The following NUP58 variants were observed in gnomAD, a reference collection of about 807,000 sequenced individuals.
NUP58 encodes the protein nucleoporin 58, also known as nucleoporin p58/p45.
Under a neutral mutation model 70.1 loss-of-function variants are expected in NUP58, and 17 were observed. The observed-to-expected ratio is 0.24, with a 90% CI of 0.17 to 0.36. The LOEUF is 0.36. Among genes scored for constraint, NUP58 ranks in the 10% least tolerant of loss-of-function variants. The pLI is 1.00. For missense variants in NUP58, 644 were observed against 701.5 expected, an observed-to-expected ratio of 0.92 and a Z score of 0.93; for synonymous variants, 275 against 257.6, an observed-to-expected ratio of 1.07 and a Z score of -0.65.
chr13:25,307,322 C>T (rs1463429108), intron 1 of NUP58, among the ~76,000 whole-genome samples: 2 of 143,686 alleles, frequency 1.4e-5, no homozygotes, highest in African/African-American at 5.1e-5. Flanking sequence ...AAGCAATTCT[C>T]CTGCCTCAGC....
At chr13:25,314,675 A>G (rs1166985193) in intron 5 of NUP58, among the ~76,000 whole-genome samples, 1 of 152,184 alleles carries the variant, frequency 6.6e-6, no homozygotes, top group African/African-American at 2.4e-5. Flanking sequence ...AGCCTGGGCA[A>G]CAAGAGCGAA....
intron 9 of NUP58, among the ~76,000 whole-genome samples, chr13:25,324,353 T>TA (rs2031307246): frequency 1.3e-5 from 2 of 152,088 alleles, no homozygotes; most frequent in African/African-American, 2.4e-5. Context: ...TGTAAGGGGG[T>TA]AAACAATACT....
rs758035249 is a variant in NUP58, at chr13:25,340,360, A to G, written c.*226A>G. On this transcript the variant is annotated 3_prime_UTR_variant, in exon 16 of 16. Transcript: ENST00000381736. ...TTCTTTTTAATTTGATTCTCAGTGTAAGAAATGTTCTGATTACATCACTGA... is the reference window on the plus strand; with the variant it reads ...TTCTTTTTAATTTGATTCTCAGTGTGAGAAATGTTCTGATTACATCACTGA... 31 of 423,098 alleles carry G rather than the reference A, an allele frequency of 7.3e-5. No homozygotes were observed. The highest frequency in any genetic ancestry group is 6.2e-4 in the Middle Eastern group (1 of 1,612). The allele number at this position is 423,098 out of a possible 1,614,324, so 26.2% of individuals were successfully genotyped here. A position where few individuals can be genotyped will look rare whatever the true frequency, so the allele number is the denominator to read the frequency against.
chr13:25,334,085 G>A lies in NUP58; in HGVS notation c.1435+2527G>A, dbSNP rs2031702564. 4 of 985,092 alleles carry A rather than the reference G, an allele frequency of 4.1e-6. No homozygotes were observed. In the Admixed American group the frequency reaches 2.5e-4, roughly 61 times the overall value. The allele number at this position is 985,092 out of a possible 1,614,324, so 61.0% of individuals were successfully genotyped here. On this transcript the variant is annotated intron_variant, in intron 13 of 15. Coordinates refer to ENST00000381736, the MANE Select transcript of NUP58 (RefSeq NM_014089.4). ...AGTATACTAGGGCTTAGGCATGTGT[G>A]ATTTACAGTTATTTGTTCTGAAGGC...
Position 25,301,665 on chromosome 13 carries a change from A to T in NUP58, c.-109A>T, listed in dbSNP as rs1198152702. 1.8e-6 allele frequency: 1 copy of T among 548,110 alleles called. No individual in the cohort carries two copies. The highest frequency in any genetic ancestry group is 3.0e-6 in the Non-Finnish European group (1 of 330,726). The allele number at this position is 548,110 out of a possible 1,614,324, so 34.0% of individuals were successfully genotyped here. A position where few individuals can be genotyped will look rare whatever the true frequency, so the allele number is the denominator to read the frequency against. On this transcript the variant is annotated 5_prime_UTR_variant, in exon 1 of 16. Coordinates refer to ENST00000381736, the MANE Select transcript of NUP58 (RefSeq NM_014089.4). ...GCCGTTGGGGCTGGAAGTTCCCGCC[A>T]GGTCCGTGCCGGGCGAGAGAGATGC...
chr13:25,318,035 T>C (rs983893438), intron 6 of NUP58, among the ~76,000 whole-genome samples: 1 of 151,912 alleles, frequency 6.6e-6, no homozygotes. Context: ...AGCTAATTTT[T>C]AAAAAATTTT....
intron 15 of NUP58, among the ~76,000 whole-genome samples, chr13:25,339,444 A>ATTAGT (rs1387683600): frequency 6.6e-6 from 1 of 152,228 alleles, no homozygotes; most frequent in Non-Finnish European, 1.5e-5. Context: ...GAAATATTGT[A>ATTAGT]TTAGTTAACT....
At chr13:25,333,846 T>C (rs2031693787) in intron 13 of NUP58, 1 of 985,266 alleles carries the variant, frequency 1.0e-6, no homozygotes, top group African/African-American at 1.7e-5. Context: ...TGCATTGTTT[T>C]TATACATCAC....
At chr13:25,318,095 C>T (rs771732194) in intron 6 of NUP58, among the ~76,000 whole-genome samples, 8 of 151,858 alleles carry the variant, frequency 5.3e-5, no homozygotes, top group Non-Finnish European at 8.8e-5. Flanking sequence ...TTTGGGAGGC[C>T]GGGGCAGGTG....
At position 25,338,812 on chromosome 13, in the gene NUP58, G is replaced by A. The variant is rs1277223238; in HGVS notation, c.1630+81G>A. The A allele has an allele frequency of 1.5e-5, 19 of 1,266,106 alleles. No homozygotes were observed. The East Asian group carries it at 3.8e-4, about 26-fold the overall frequency. The allele number at this position is 1,266,106 out of a possible 1,614,324, so 78.4% of individuals were successfully genotyped here. On this transcript the variant is annotated intron_variant, in intron 15 of 15. Transcript: ENST00000381736. ...TTAAAAGTATGTGTTGTTATTTCCA[G>A]TAACCCAAAAAGTTCCCTCCCTGAT...
intron 13 of NUP58, chr13:25,333,094 A>G: frequency 1.0e-6 from 1 of 985,338 alleles, no homozygotes. Context: ...ATAAATACCT[A>G]AACTTGAAGC....
rs549948770 is a variant in NUP58 at position 25,314,778 on chromosome 13, C to T, written c.575-579C>T. On this transcript the variant is annotated intron_variant, in intron 5 of 15. Coordinates refer to ENST00000381736, the MANE Select transcript of NUP58 (RefSeq NM_014089.4). ...ATTTTGCGCTTGACTCACAAGTGTACGTTAATGACTTATGATTAACCGTAG... is the reference window on the plus strand; with the variant it reads ...ATTTTGCGCTTGACTCACAAGTGTATGTTAATGACTTATGATTAACCGTAG... Among the ~76,000 whole-genome samples the T allele has an allele frequency of 8.4e-4, 128 of 152,230 alleles. 1 individual carries two copies. The highest frequency in any genetic ancestry group is 2.6e-3 in the African/African-American group (107 of 41,562).
intron 1 of NUP58, among the ~76,000 whole-genome samples, 154 bp downstream of exon 1, chr13:25,302,034 C>T (rs971860236): frequency 2.6e-5 from 4 of 152,204 alleles, no homozygotes; most frequent in Admixed American, 6.5e-5. Context: ...CGTCGTAGGC[C>T]TCTCGCCGCG....
chr13:25,308,605 C>G (rs1474008382), intron 2 of NUP58, among the ~76,000 whole-genome samples: 1 of 151,862 alleles, frequency 6.6e-6, no homozygotes, highest in Non-Finnish European at 1.5e-5. Context: ...GTTACCATGC[C>G]TGGTCTATAA....
At chr13:25,307,134 G>A (rs1253533927) in intron 1 of NUP58, among the ~76,000 whole-genome samples, 1 of 150,682 alleles carries the variant, frequency 6.6e-6, no homozygotes, top group Non-Finnish European at 1.5e-5. Context: ...CAGAATAATT[G>A]TGATCCCTAC....
rs1362738736 is a variant in NUP58, at chr13:25,340,236, A to C, written c.*102A>C. 7 of 1,146,430 alleles carry C rather than the reference A, an allele frequency of 6.1e-6. No individual in the cohort carries two copies. Among genetic ancestry groups the C allele is most frequent in the Non-Finnish European group, 8.2e-6 (7 of 857,106 alleles). The allele number at this position is 1,146,430 out of a possible 1,614,324, so 71.0% of individuals were successfully genotyped here. On this transcript the variant is annotated 3_prime_UTR_variant, in exon 16 of 16. Transcript: ENST00000381736. ...TTAAATTGCATCCCAGGAGATTTAT[A>C]AAGTTTTGATATTTTTCCCTACTCT...
intron 12 of NUP58, among the ~76,000 whole-genome samples, chr13:25,330,932 T>G (rs1046201446): frequency 6.6e-6 from 1 of 152,110 alleles, no homozygotes; most frequent in Non-Finnish European, 1.5e-5. Flanking sequence ...TTTTTTTCTT[T>G]CTTTTTTTTT....
intron 3 of NUP58, among the ~76,000 whole-genome samples, 158 bp from the exon 4 acceptor site, chr13:25,312,725 A>G (rs1161011841): frequency 6.6e-6 from 1 of 152,196 alleles, no homozygotes; most frequent in Admixed American, 6.5e-5. Context: ...TTTAGTCTCA[A>G]CTTTTACATA....
chr13:25,319,150 A>G (rs545577433), intron 6 of NUP58, among the ~76,000 whole-genome samples, 176 bp from the exon 7 acceptor site: 1 of 152,348 alleles, frequency 6.6e-6, no homozygotes, highest in African/African-American at 2.4e-5. Context: ...TCTTCATAAA[A>G]TGCTTTGCTT....
Sources: gnomAD v4.1 joint callset for allele counts (sites outside exome capture counted in the v4.1 genomes callset) on GRCh38, gnomAD v4.1.1 for gene constraint, MANE v1.5 for transcripts, NCBI Gene and HGNC (gene_info 2026-07-23, HGNC 2026-07-21) for gene names.